The following DDR2 variants were observed in gnomAD, a reference collection of about 807,000 sequenced individuals.
The protein encoded by DDR2 is discoidin domain receptor tyrosine kinase 2.
In DDR2, 27 loss-of-function variants were observed where a neutral mutation model predicts 94.9. The observed-to-expected ratio is 0.28, with a 90% confidence interval of 0.21 to 0.39. The LOEUF is 0.39. Ranked by LOEUF, DDR2 falls within the 10% of genes least tolerant of loss-of-function variation. The pLI, the probability that DDR2 is intolerant of heterozygous loss-of-function variation, is 1.00. For missense variants in DDR2, 783 were observed against 1,076.0 expected, an observed-to-expected ratio of 0.73 and a Z score of 3.81; for synonymous variants, 382 against 377.2, an observed-to-expected ratio of 1.01 and a Z score of -0.15.
intron 3 of DDR2, among the ~76,000 whole-genome samples, chr1:162,741,067 C>T (rs560401395): frequency 6.6e-6 from 1 of 151,806 alleles, no homozygotes; most frequent in South Asian, 2.1e-4. Flanking sequence ...TAGCTGTGGG[C>T]CTTCTGCCAG....
At chr1:162,772,632 A>G (rs1270831396) in intron 13 of DDR2, among the ~76,000 whole-genome samples, 2 of 152,040 alleles carry the variant, frequency 1.3e-5, no homozygotes, top group South Asian at 2.1e-4. Context: ...TTTCCCCTTT[A>G]ATGGGAGTTA....
chr1:162,699,323 C>G (rs1660327355), intron 2 of DDR2, among the ~76,000 whole-genome samples: 1 of 152,146 alleles, frequency 6.6e-6, no homozygotes, highest in African/African-American at 2.4e-5. Context: ...GATCTATGTT[C>G]ACTCTGCTTG....
intron 1 of DDR2, among the ~76,000 whole-genome samples, chr1:162,641,532 T>G: frequency 6.6e-6 from 1 of 152,230 alleles, no homozygotes; most frequent in Admixed American, 6.5e-5. Flanking sequence ...CTAACTCACC[T>G]TATAGCATTA....
intron 2 of DDR2, among the ~76,000 whole-genome samples, chr1:162,669,777 T>A (rs539455117): frequency 6.6e-6 from 1 of 152,344 alleles, no homozygotes; most frequent in East Asian, 1.9e-4. Context: ...GGGCTTGAAA[T>A]GTTCTACATA....
At chr1:162,642,448 GTTT>G (rs10601565) in intron 1 of DDR2, among the ~76,000 whole-genome samples, 33 of 137,270 alleles carry the variant, frequency 2.4e-4, no homozygotes, top group Admixed American at 9.3e-4. Context: ...AATTTTCTGT[GTTT>G]TTTTTTTTTT....
At chr1:162,704,307 A>G (rs1660559143) in intron 2 of DDR2, among the ~76,000 whole-genome samples, 1 of 152,162 alleles carries the variant, frequency 6.6e-6, no homozygotes, top group Non-Finnish European at 1.5e-5. Flanking sequence ...ATGGAGTCTA[A>G]CAGCCTGAGA....
chr1:162,700,977 G>C (rs1168397924), intron 2 of DDR2, among the ~76,000 whole-genome samples: 5 of 150,970 alleles, frequency 3.3e-5, no homozygotes, highest in Admixed American at 2.0e-4. Context: ...GTGCTCAGGA[G>C]AAACATTGAG....
intron 16 of DDR2, 99 bp from the exon 17 acceptor site, chr1:162,778,481 G>A (rs1647712955): frequency 4.1e-6 from 6 of 1,448,200 alleles, no homozygotes; most frequent in African/African-American, 1.4e-5. Flanking sequence ...TTCCTTGCCT[G>A]TGGTGGGGGA....
intron 2 of DDR2, among the ~76,000 whole-genome samples, chr1:162,716,211 T>C (rs1194612022): frequency 6.6e-6 from 1 of 152,040 alleles, no homozygotes; most frequent in African/African-American, 2.4e-5. Context: ...GGGAAGGTTA[T>C]GGAGGGGAGG....
intron 2 of DDR2, among the ~76,000 whole-genome samples, chr1:162,674,233 T>C (rs978485602): frequency 6.6e-6 from 1 of 152,208 alleles, no homozygotes; most frequent in Non-Finnish European, 1.5e-5. Context: ...TTTCGACATA[T>C]GAGCCATCAG....
At chr1:162,706,952 T>C (rs775529215) in intron 2 of DDR2, among the ~76,000 whole-genome samples, 7 of 152,204 alleles carry the variant, frequency 4.6e-5, no homozygotes, top group Non-Finnish European at 1.0e-4. Context: ...ATGACTTTAT[T>C]ATCTTGGCAA....
At chr1:162,728,371 G>A (rs1475955441) in intron 3 of DDR2, among the ~76,000 whole-genome samples, 1 of 151,748 alleles carries the variant, frequency 6.6e-6, no homozygotes, top group Non-Finnish European at 1.5e-5. Flanking sequence ...GAATTTGCCA[G>A]GCCAGGTAAA....
intron 2 of DDR2, among the ~76,000 whole-genome samples, chr1:162,683,707 A>T (rs913367545): frequency 6.6e-6 from 1 of 152,152 alleles, no homozygotes; most frequent in South Asian, 2.1e-4. Context: ...ACAAAGACTG[A>T]TGAAAGAAAT....
intron 1 of DDR2, among the ~76,000 whole-genome samples, chr1:162,638,561 A>G (rs180955821): frequency 6.6e-6 from 1 of 152,316 alleles, no homozygotes; most frequent in East Asian, 1.9e-4. Context: ...ATGAGTGACT[A>G]CTTGGGCTTT....
chr1:162,703,325 T>C (rs1340982200), intron 2 of DDR2, among the ~76,000 whole-genome samples: 1 of 152,164 alleles, frequency 6.6e-6, no homozygotes, highest in Non-Finnish European at 1.5e-5. Flanking sequence ...TTCAAGAGAA[T>C]GTTATCAACA....
chr1:162,782,267 T>A lies in DDR2; in HGVS notation c.*2021T>A, dbSNP rs1460249593. ...ATTAGATTAAATGGTTTTGAGGTCCTTTCTTGTTCTGATATGTCCAGTACT... is the reference window on the plus strand; with the variant it reads ...ATTAGATTAAATGGTTTTGAGGTCCATTCTTGTTCTGATATGTCCAGTACT... On this transcript the variant is annotated 3_prime_UTR_variant, in exon 18 of 18. Transcript: ENST00000367921. 6.6e-6 allele frequency: 1 copy of A among 152,242 alleles called. No individual in the cohort carries two copies. Among genetic ancestry groups the A allele is most frequent in the Admixed American group, 6.5e-5 (1 of 15,274 alleles). 9.4% of individuals were successfully genotyped at this position (152,242 alleles called of 1,614,324 possible).
intron 2 of DDR2, among the ~76,000 whole-genome samples, chr1:162,661,423 A>G (rs1658289693): frequency 6.6e-6 from 1 of 152,238 alleles, no homozygotes; most frequent in Non-Finnish European, 1.5e-5. Context: ...ACTCTGGCCT[A>G]TTCACTGGGC....
intron 3 of DDR2, among the ~76,000 whole-genome samples, chr1:162,724,502 A>T (rs1272749314): frequency 2.0e-5 from 3 of 152,206 alleles, no homozygotes; most frequent in South Asian, 2.1e-4. Flanking sequence ...AGCACCAGGG[A>T]TGCTTTGGTT....
At chr1:162,774,582 G>T (rs72711596) in intron 14 of DDR2, among the ~76,000 whole-genome samples, 1,770 of 152,242 alleles carry the variant, frequency 0.012, 22 homozygotes, top group East Asian at 0.064. Context: ...CATTCTCTGG[G>T]TCTTATAGAG....
Sources: allele counts gnomAD v4.1 joint callset (sites outside exome capture counted in the v4.1 genomes callset), GRCh38; gene constraint gnomAD v4.1.1; transcripts MANE v1.5; gene names NCBI Gene and HGNC (gene_info 2026-07-23, HGNC 2026-07-21).